PTPRD: variants seen among roughly 807,000 people sequenced by gnomAD.
PTPRD encodes protein tyrosine phosphatase receptor type D.
Under a neutral mutation model 214.5 loss-of-function variants are expected in PTPRD, and 34 were observed. That is an observed-to-expected ratio of 0.16 (90% CI 0.12 to 0.21). The LOEUF is 0.21. Among genes scored for constraint, PTPRD ranks in the 10% least tolerant of loss-of-function variants. The probability of loss-of-function intolerance (pLI) is 1.00; values close to 1 mark genes in which losing one functional copy is unlikely to be tolerated. For synonymous variants in PTPRD, 1,128 were observed against 845.7 expected, an observed-to-expected ratio of 1.33 and a Z score of -5.79; for missense variants, 2,545 against 2,398.7, an observed-to-expected ratio of 1.06 and a Z score of -1.27.
At chr9:9,672,887 A>T (rs1489380591) in intron 7 of PTPRD, among the ~76,000 whole-genome samples, 1 of 152,128 alleles carries the variant, frequency 6.6e-6, no homozygotes, top group East Asian at 1.9e-4. Context: ...AGATGGTAAA[A>T]TGCATGCATT....
chr9:10,253,159 A>G (rs1476438753), intron 3 of PTPRD, among the ~76,000 whole-genome samples: 1 of 152,214 alleles, frequency 6.6e-6, no homozygotes, highest in East Asian at 1.9e-4. Flanking sequence ...TTGATGATTA[A>G]AAAAATTTCT....
At chr9:10,167,470 G>A (rs995688869) in intron 3 of PTPRD, among the ~76,000 whole-genome samples, 2 of 152,112 alleles carry the variant, frequency 1.3e-5, no homozygotes, top group African/African-American at 4.8e-5. Flanking sequence ...ACAAAGTACA[G>A]GAGATCCACA....
chr9:10,320,261 GATAA>G (rs1391531278), intron 3 of PTPRD, among the ~76,000 whole-genome samples: 8 of 151,998 alleles, frequency 5.3e-5, no homozygotes, highest in African/African-American at 1.7e-4. Context: ...ACTTAATATT[GATAA>G]ATAATGTCTC....
chr9:9,802,648 T>C (rs1336943478), intron 5 of PTPRD, among the ~76,000 whole-genome samples: 1 of 149,786 alleles, frequency 6.7e-6, no homozygotes, highest in African/African-American at 2.5e-5. Flanking sequence ...AGGAACGTTT[T>C]TTTTTAAAAA....
chr9:8,965,639 A>G lies in PTPRD; in HGVS notation c.-104+53058T>C, dbSNP rs114527167. The stretch of plus-strand genomic sequence containing the variant: ...TGGTTTAAAGTAAGGAAGATTCCTT[A>G]AAATCGTAAGTGTCATCTATGACAA... On this transcript the variant is annotated intron_variant, in intron 11 of 45. Coordinates refer to ENST00000381196, the MANE Select transcript of PTPRD (RefSeq NM_002839.4). Among the ~76,000 whole-genome samples, 1,453 of 152,228 alleles carry G rather than the reference A, an allele frequency of 9.5e-3. 16 individuals are homozygous for G. The highest frequency in any genetic ancestry group is 0.032 in the African/African-American group (1,343 of 41,556).
chr9:9,789,487 A>C (rs2098950917), intron 5 of PTPRD, among the ~76,000 whole-genome samples: 1 of 152,264 alleles, frequency 6.6e-6, no homozygotes, highest in South Asian at 2.1e-4. Context: ...TAATCGACAT[A>C]TTCCCTAGGT....
At chr9:9,535,559 A>C (rs571323842) in intron 8 of PTPRD, among the ~76,000 whole-genome samples, 1 of 152,244 alleles carries the variant, frequency 6.6e-6, no homozygotes, top group Non-Finnish European at 1.5e-5. Context: ...ACATACATTA[A>C]AAACAGATTT....
intron 9 of PTPRD, among the ~76,000 whole-genome samples, chr9:9,228,442 G>A (rs1334520745): frequency 6.6e-6 from 1 of 152,006 alleles, no homozygotes; most frequent in Non-Finnish European, 1.5e-5. Context: ...TCAATAATAT[G>A]CACACATATA....
chr9:9,943,851 T>G (rs962678038), intron 4 of PTPRD, among the ~76,000 whole-genome samples: 3 of 152,026 alleles, frequency 2.0e-5, no homozygotes, highest in African/African-American at 7.2e-5. Context: ...CTGCTGGGAG[T>G]GCTGCTGGAC....
intron 5 of PTPRD, among the ~76,000 whole-genome samples, chr9:9,767,990 G>C (rs1031746746): frequency 5.3e-5 from 8 of 152,112 alleles, no homozygotes; most frequent in African/African-American, 1.4e-4. Flanking sequence ...CATCGAAACA[G>C]CACAAAATAC....
At chr9:8,546,665 C>T (rs2080260489) in intron 14 of PTPRD, among the ~76,000 whole-genome samples, 1 of 151,680 alleles carries the variant, frequency 6.6e-6, no homozygotes, top group South Asian at 2.1e-4. Flanking sequence ...TGCCTCGCTA[C>T]TTTTTTGTAT....
intron 7 of PTPRD, among the ~76,000 whole-genome samples, chr9:9,583,580 C>T (rs2091310290): frequency 6.6e-6 from 1 of 151,984 alleles, no homozygotes; most frequent in African/African-American, 2.4e-5. Flanking sequence ...GATAACTACG[C>T]ATTTAAGAAG....
At chr9:10,566,525 G>A (rs1401326697) in intron 2 of PTPRD, among the ~76,000 whole-genome samples, 2 of 151,954 alleles carry the variant, frequency 1.3e-5, no homozygotes, top group Admixed American at 6.6e-5. Flanking sequence ...TCCTCTTTGT[G>A]AAATGCCTAA....
chr9:10,146,769 G>T (rs1220794313), intron 3 of PTPRD, among the ~76,000 whole-genome samples: 1 of 151,270 alleles, frequency 6.6e-6, no homozygotes, highest in Non-Finnish European at 1.5e-5. Context: ...TGGTGGAATG[G>T]GAGAAGAAAA....
intron 11 of PTPRD, among the ~76,000 whole-genome samples, chr9:8,857,959 C>A (rs1376577737): frequency 2.7e-5 from 4 of 149,724 alleles, no homozygotes; most frequent in Non-Finnish European, 5.9e-5. Context: ...TCCGCCTCCT[C>A]CTCCTCTTCC....
intron 8 of PTPRD, among the ~76,000 whole-genome samples, chr9:9,454,285 G>A (rs768320747): frequency 2.6e-5 from 4 of 151,686 alleles, no homozygotes; most frequent in South Asian, 2.1e-4. Context: ...AATACTCCCG[G>A]TTTGGCTCTT....
At position 8,436,786 on chromosome 9, in the gene PTPRD, G is replaced by A. The variant is rs41281785; in HGVS notation, c.3989-97C>T. ...AGAATACTATAGTTAGAAATGGCCT[G>A]AAAATATGTGAGTAGTAAAGATGTT... On this transcript the variant is annotated intron_variant, in intron 34 of 45. Transcript: ENST00000381196. 5.8e-4 allele frequency: 536 copies of A among 927,664 alleles called. 1 individual carries two copies. Among genetic ancestry groups the A allele is most frequent in the Non-Finnish European group, 7.7e-4 (466 of 603,066 alleles). The allele number at this position is 927,664 out of a possible 1,614,324, so 57.5% of individuals were successfully genotyped here. A position where few individuals can be genotyped will look rare whatever the true frequency, so the allele number is the denominator to read the frequency against.
intron 11 of PTPRD, among the ~76,000 whole-genome samples, chr9:8,962,400 A>C (rs2154319796): frequency 6.6e-6 from 1 of 152,234 alleles, no homozygotes; most frequent in African/African-American, 2.4e-5. Context: ...CATGCAGGAC[A>C]GATTGTCTCT....
intron 12 of PTPRD, among the ~76,000 whole-genome samples, chr9:8,702,163 T>C (rs2098101571): frequency 6.6e-6 from 1 of 152,130 alleles, no homozygotes; most frequent in Admixed American, 6.5e-5. Flanking sequence ...GACGGTTGCT[T>C]GGATTTTTCT....
Sources: gnomAD v4.1 joint callset for allele counts (sites outside exome capture counted in the v4.1 genomes callset) on GRCh38, gnomAD v4.1.1 for gene constraint, MANE v1.5 for transcripts, NCBI Gene and HGNC (gene_info 2026-07-23, HGNC 2026-07-21) for gene names.